ANKS1B: variants seen among roughly 807,000 people sequenced by gnomAD.
ANKS1B encodes the protein ankyrin repeat and sterile alpha motif domain containing 1B, also known as ankyrin repeat and sterile alpha motif domain-containing protein 1B.
A neutral mutation model predicts 148.3 loss-of-function variants in ANKS1B; 36 were observed. The observed-to-expected ratio is 0.24, with a 90% CI of 0.19 to 0.32. The LOEUF is 0.32. ANKS1B is among the 10% of genes least tolerant of loss of function. The pLI is 1.00. For missense variants in ANKS1B, 1,157 were observed against 1,542.6 expected (o/e 0.75, Z 4.19); for synonymous variants, 542 against 560.8 (o/e 0.97, Z 0.47).
chr12:98,848,743 G>GT lies in ANKS1B; in HGVS notation c.2779-16608dup, dbSNP rs10695483. Among the ~76,000 whole-genome samples the GT allele has an allele frequency of 5.6e-4, 27 of 48,084 alleles. 1 individual carries two copies. The highest frequency in any genetic ancestry group is 5.6e-4 in the Non-Finnish European group (16 of 28,342). The allele number at this position is 48,084 out of a possible 152,430, so 31.5% of individuals were successfully genotyped here. A position where few individuals can be genotyped will look rare whatever the true frequency, so the allele number is the denominator to read the frequency against. On this transcript the variant is annotated intron_variant, in intron 17 of 26. Coordinates refer to ENST00000683438, the MANE Select transcript of ANKS1B (RefSeq NM_001352186.2). ...CTGGATTAATTTCTGTGTATGTGTG[G>GT]TTTTTTTTTTTTTGAGACGGAGTCT... is the stretch of plus-strand genomic sequence containing the variant.
chr12:98,802,638 G>T (rs2099014891), intron 20 of ANKS1B, among the ~76,000 whole-genome samples: 1 of 93,328 alleles, frequency 1.1e-5, no homozygotes, highest in South Asian at 3.9e-4. Context: ...TTTTAGCAGT[G>T]GAGTGCCTGA....
chr12:99,770,443 T>C (rs536805616), intron 8 of ANKS1B, among the ~76,000 whole-genome samples: 1 of 152,238 alleles, frequency 6.6e-6, no homozygotes, highest in African/African-American at 2.4e-5. Context: ...TTTTGCAACA[T>C]GTAAGAGTAT....
chr12:99,913,810 A>G (rs11110125), intron 1 of ANKS1B, among the ~76,000 whole-genome samples: 14,912 of 152,074 alleles, frequency 0.098, 855 homozygotes, highest in African/African-American at 0.15. Flanking sequence ...TTAAAGGTGG[A>G]TAGATTTCAT....
intron 8 of ANKS1B, among the ~76,000 whole-genome samples, chr12:99,734,345 T>C (rs2059428916): frequency 6.6e-6 from 1 of 152,004 alleles, no homozygotes; most frequent in South Asian, 2.1e-4. Context: ...CAGGCTGGAG[T>C]GCAATGGCAT....
At chr12:99,923,371 A>G (rs2094410043) in intron 1 of ANKS1B, among the ~76,000 whole-genome samples, 2 of 152,220 alleles carry the variant, frequency 1.3e-5, no homozygotes, top group Admixed American at 6.5e-5. Context: ...AGAGTTTAAC[A>G]AGTCTAAATC....
chr12:99,428,390 C>T (rs1300459416), intron 11 of ANKS1B, among the ~76,000 whole-genome samples: 1 of 152,088 alleles, frequency 6.6e-6, no homozygotes, highest in African/African-American at 2.4e-5. Flanking sequence ...TGGGATGAGG[C>T]CAGTGTCCAC....
At chr12:99,680,941 ACTCCATTGG>A (rs1305767659) in intron 8 of ANKS1B, among the ~76,000 whole-genome samples, 2,909 of 151,732 alleles carry the variant, frequency 0.019, 106 homozygotes, top group African/African-American at 0.066. Context: ...TAAGAACATA[ACTCCATTGG>A]CCTGAGAACC....
chr12:99,337,245 T>C (rs2089080132), intron 12 of ANKS1B, among the ~76,000 whole-genome samples: 1 of 152,022 alleles, frequency 6.6e-6, no homozygotes, highest in African/African-American at 2.4e-5. Flanking sequence ...CAAGCTCGGT[T>C]ATTCTTTCTT....
chr12:98,810,213 A>T (rs1472272908), intron 19 of ANKS1B, among the ~76,000 whole-genome samples: 1 of 152,236 alleles, frequency 6.6e-6, no homozygotes, highest in African/African-American at 2.4e-5. Flanking sequence ...ACCATGGACT[A>T]GTTCTGGTTG....
At chr12:99,848,725 A>G (rs2087150983) in intron 1 of ANKS1B, among the ~76,000 whole-genome samples, 1 of 152,206 alleles carries the variant, frequency 6.6e-6, no homozygotes. Context: ...AAGCCTAAAT[A>G]TTAAAGGGCA....
intron 9 of ANKS1B, among the ~76,000 whole-genome samples, chr12:98,738,875 G>A (rs2153350546): frequency 6.6e-6 from 1 of 152,328 alleles, no homozygotes; most frequent in Middle Eastern, 3.4e-3. Context: ...CCTTCACTAA[G>A]CCCTTCATCT....
At chr12:99,504,066 G>A (rs142236345) in intron 10 of ANKS1B, among the ~76,000 whole-genome samples, 121 of 152,196 alleles carry the variant, frequency 8.0e-4, no homozygotes, top group Non-Finnish European at 1.3e-3. Flanking sequence ...ATCTGATAAT[G>A]CCATAAAAGA....
intron 9 of ANKS1B, among the ~76,000 whole-genome samples, chr12:99,557,591 G>A (rs1218846871): frequency 6.6e-6 from 1 of 151,938 alleles, no homozygotes; most frequent in Non-Finnish European, 1.5e-5. Context: ...TAGATTCCTT[G>A]GACTAGGTTT....
intron 9 of ANKS1B, among the ~76,000 whole-genome samples, chr12:99,633,407 T>C (rs943541752): frequency 1.9e-3 from 292 of 152,232 alleles, no homozygotes; most frequent in Non-Finnish European, 3.7e-3. Context: ...ATTTAATAAA[T>C]GGTGCTGGGA....
intron 25 of ANKS1B, among the ~76,000 whole-genome samples, chr12:98,769,632 A>T (rs763678007): frequency 2.0e-5 from 3 of 152,200 alleles, no homozygotes; most frequent in Non-Finnish European, 4.4e-5. Flanking sequence ...TCACCTCAGT[A>T]TTCTGGTGAT....
intron 1 of ANKS1B, among the ~76,000 whole-genome samples, chr12:99,887,665 T>C (rs2092899584): frequency 6.6e-6 from 1 of 152,208 alleles, no homozygotes; most frequent in South Asian, 2.1e-4. Flanking sequence ...AATCAGAACA[T>C]TAAATCTATG....
chr12:99,280,108 A>G (rs566102028), intron 12 of ANKS1B, among the ~76,000 whole-genome samples: 7 of 152,150 alleles, frequency 4.6e-5, no homozygotes, highest in Non-Finnish European at 1.0e-4. Context: ...TCAAAAATTC[A>G]TACATTTTTC....
chr12:99,848,388 C>G (rs2087071084), intron 1 of ANKS1B, among the ~76,000 whole-genome samples: 1 of 152,108 alleles, frequency 6.6e-6, no homozygotes, highest in African/African-American at 2.4e-5. Context: ...TACCAAGTTG[C>G]TTTTGCAAAG....
At chr12:99,559,422 T>C (rs1364067067) in intron 9 of ANKS1B, among the ~76,000 whole-genome samples, 1 of 152,230 alleles carries the variant, frequency 6.6e-6, no homozygotes, top group African/African-American at 2.4e-5. Context: ...CAATCAGTGA[T>C]GACCATTAGT....
Sources: allele counts gnomAD v4.1 joint callset (sites outside exome capture counted in the v4.1 genomes callset), GRCh38; gene constraint gnomAD v4.1.1; transcripts MANE v1.5; gene names NCBI Gene and HGNC (gene_info 2026-07-23, HGNC 2026-07-21).